Variants in DAB1 observed in about 807,000 individuals in gnomAD.
DAB1 encodes the protein DAB adaptor protein 1, also known as disabled homolog 1.
DAB1 carries 15 observed loss-of-function variants against 64.6 expected under a neutral mutation model. The observed-to-expected ratio is 0.23, with a 90% CI of 0.16 to 0.36. The LOEUF is 0.36. Ranked by LOEUF, DAB1 falls within the 10% of genes least tolerant of loss-of-function variation. The pLI is 1.00. For missense variants in DAB1, 596 were observed against 706.7 expected (o/e 0.84, Z 1.78); for synonymous variants, 235 against 251.9 (o/e 0.93, Z 0.64).
At chr1:58,464,380 T>C (rs1645274309) in intron 3 of DAB1, among the ~76,000 whole-genome samples, 1 of 152,158 alleles carries the variant, frequency 6.6e-6, no homozygotes, top group African/African-American at 2.4e-5. Context: ...GTGCATGATA[T>C]GTTTGGGAGA....
In DAB1 at chr1:57,418,613, C is replaced by T. The variant is rs965971266; in HGVS notation, c.-137+5317G>A. On this transcript the variant is annotated intron_variant, in intron 1 of 14. Coordinates refer to ENST00000371236, the MANE Select transcript of DAB1 (RefSeq NM_001365792.1). ...ATTTTTATACCATAAGTTAAACAGC[C>T]CGCCTTCACCACCACAAAATTTTCG... Among the ~76,000 whole-genome samples the T allele has an allele frequency of 5.9e-5, 9 of 152,120 alleles. 1 individual carries two copies. The highest frequency in any genetic ancestry group is 1.4e-4 in the African/African-American group (6 of 41,416).
intron 6 of DAB1, among the ~76,000 whole-genome samples, chr1:57,755,945 T>G (rs1179638788): frequency 6.6e-6 from 1 of 152,174 alleles, no homozygotes; most frequent in Non-Finnish European, 1.5e-5. Context: ...TTTAGCTTTG[T>G]GCAATGAGGT....
chr1:57,941,664 A>G lies in DAB1; in HGVS notation n.388-57502T>C, dbSNP rs554928035. Among the ~76,000 whole-genome samples the G allele has an allele frequency of 4.0e-3, 610 of 152,172 alleles. 2 individuals carry two copies. Among genetic ancestry groups the G allele is most frequent in the Admixed American group, 6.3e-3 (96 of 15,278 alleles). ...ATCCTGGCTAACATGGTGAAACCCCATCTCTACTAAAAATACAAAAATTAG... is the reference window on the plus strand; with the variant it reads ...ATCCTGGCTAACATGGTGAAACCCCGTCTCTACTAAAAATACAAAAATTAG... On this transcript the variant is annotated intron_variant and non_coding_transcript_variant, in intron 5 of 20. Coordinates refer to the DAB1 transcript ENST00000485760.
In DAB1 at chr1:57,491,777, A is replaced by G. The variant is rs561322440; in HGVS notation, n.625+157815T>C. Among the ~76,000 whole-genome samples the G allele has an allele frequency of 1.4e-4, 22 of 152,348 alleles. 1 individual carries two copies. The East Asian group carries it at 4.2e-3, about 29-fold the overall frequency. On this transcript the variant is annotated intron_variant and non_coding_transcript_variant, in intron 7 of 20. Coordinates refer to the DAB1 transcript ENST00000485760. Reference sequence around the variant, plus strand: ...GCAGAGGAGAGGTTTCCCACGTAGCATCACATAAGCTGCATCCTGGCTTCC... The same window carrying G: ...GCAGAGGAGAGGTTTCCCACGTAGCGTCACATAAGCTGCATCCTGGCTTCC...
At chr1:58,371,559 T>C (rs1644264328) in intron 3 of DAB1, among the ~76,000 whole-genome samples, 1 of 152,192 alleles carries the variant, frequency 6.6e-6, no homozygotes, top group East Asian at 1.9e-4. Flanking sequence ...TTTGCACAAG[T>C]AATGAGGAAC....
chr1:58,442,125 G>A (rs904353082), intron 3 of DAB1, among the ~76,000 whole-genome samples: 4 of 152,164 alleles, frequency 2.6e-5, no homozygotes, highest in African/African-American at 4.8e-5. Flanking sequence ...TATTGTGTGC[G>A]TGTGTGTGCA....
intron 1 of DAB1, among the ~76,000 whole-genome samples, chr1:57,403,921 G>C (rs76071999): frequency 0.014 from 2,148 of 152,062 alleles, 36 homozygotes; most frequent in African/African-American, 0.042. Flanking sequence ...ATATTGTACT[G>C]TGCAGATATA....
chr1:58,239,728 C>G (rs140456979), intron 4 of DAB1, among the ~76,000 whole-genome samples: 75 of 152,208 alleles, frequency 4.9e-4, no homozygotes, highest in Middle Eastern at 3.4e-3. Flanking sequence ...TCCAAATACA[C>G]CTGTTTCCAA....
At chr1:57,799,891 T>C (rs1253985211) in intron 6 of DAB1, among the ~76,000 whole-genome samples, 1 of 152,068 alleles carries the variant, frequency 6.6e-6, no homozygotes, top group Non-Finnish European at 1.5e-5. Context: ...CAGAAATGAG[T>C]AGTGACAACA....
At chr1:57,839,929 T>C (rs1003992082) in intron 1 of DAB1, among the ~76,000 whole-genome samples, 6 of 152,186 alleles carry the variant, frequency 3.9e-5, no homozygotes, top group Admixed American at 3.9e-4. Context: ...AAAAAGTCAG[T>C]GTCACAGTGC....
intron 4 of DAB1, among the ~76,000 whole-genome samples, chr1:58,310,400 C>T (rs762822328): frequency 7.9e-5 from 12 of 151,970 alleles, no homozygotes; most frequent in Non-Finnish European, 1.3e-4. Flanking sequence ...ATTTGTGGTC[C>T]GCAGAGAACA....
At position 57,840,196 on chromosome 1, in the gene DAB1, G is replaced by T. The variant is rs576066945; in HGVS notation, n.88-13741C>A. On this transcript the variant is annotated intron_variant and non_coding_transcript_variant, in intron 1 of 1. Coordinates refer to the DAB1 transcript ENST00000477280. ...ATGCTGAAGCCACATAGAAATGTTA[G>T]AAGGGAGCTCAGTGTCTGGTGGGAG... Among the ~76,000 whole-genome samples, 348 of 152,306 alleles carry T rather than the reference G, an allele frequency of 2.3e-3. 2 individuals carry two copies. Among genetic ancestry groups the T allele is most frequent in the African/African-American group, 7.4e-3 (307 of 41,568 alleles).
At chr1:58,269,261 CCT>C (rs992988102) in intron 4 of DAB1, among the ~76,000 whole-genome samples, 1 of 150,778 alleles carries the variant, frequency 6.6e-6, no homozygotes, top group African/African-American at 2.4e-5. Flanking sequence ...GAGAATATGC[CCT>C]GTTTGGTTTT....
chr1:57,366,911 T>C (rs1680043275), intron 1 of DAB1, among the ~76,000 whole-genome samples: 1 of 151,798 alleles, frequency 6.6e-6, no homozygotes, highest in Admixed American at 6.6e-5. Context: ...AAACTGACTA[T>C]ATAAATCACA....
chr1:57,488,922 A>T (rs1644127338), intron 7 of DAB1, among the ~76,000 whole-genome samples: 1 of 152,226 alleles, frequency 6.6e-6, no homozygotes, highest in African/African-American at 2.4e-5. Context: ...AGCTTAATAA[A>T]TTACATCTCT....
chr1:57,291,083 A>G lies in DAB1; in HGVS notation c.-53T>C. 1 of 1,258,968 alleles carries G rather than the reference A, an allele frequency of 7.9e-7. No individual in the cohort carries two copies. Among genetic ancestry groups the G allele is most frequent in the Non-Finnish European group, 1.1e-6 (1 of 882,698 alleles). The allele number at this position is 1,258,968 out of a possible 1,614,324, so 78.0% of individuals were successfully genotyped here. A position where few individuals can be genotyped will look rare whatever the true frequency, so the allele number is the denominator to read the frequency against. ...CAGATCCCGGGCCTCGGCCAGGCTC[A>G]TTGAGGACTCTTCTCCAAGAGAAAG... On this transcript the variant is annotated 5_prime_UTR_variant, in exon 2 of 15. An upstream start codon of the reference 5' UTR is lost. Transcript: ENST00000371236.
chr1:57,196,079 G>A (rs1055205186), intron 2 of DAB1, among the ~76,000 whole-genome samples: 1 of 152,112 alleles, frequency 6.6e-6, no homozygotes, highest in Admixed American at 6.5e-5. Flanking sequence ...ATGAAGAAGG[G>A]CCAAGGAATG....
At chr1:57,608,320 G>T (rs1208711672) in intron 7 of DAB1, among the ~76,000 whole-genome samples, 1 of 151,902 alleles carries the variant, frequency 6.6e-6, no homozygotes, top group Non-Finnish European at 1.5e-5. Context: ...GACAATCTAT[G>T]ATTTTCTCTC....
At chr1:57,211,809 A>T (rs79550229) in intron 2 of DAB1, among the ~76,000 whole-genome samples, 5,102 of 152,326 alleles carry the variant, frequency 0.033, 117 homozygotes, top group African/African-American at 0.056. Flanking sequence ...GCAACTATTT[A>T]TAAAGCCTTT....
Sources: allele counts gnomAD v4.1 joint callset (sites outside exome capture counted in the v4.1 genomes callset), GRCh38; gene constraint gnomAD v4.1.1; transcripts MANE v1.5; gene names NCBI Gene and HGNC (gene_info 2026-07-23, HGNC 2026-07-21).